Variants in RBPJ observed in about 807,000 individuals in gnomAD.
RBPJ encodes recombining binding protein suppressor of hairless.
A neutral mutation model predicts 67.8 loss-of-function variants in RBPJ; 9 were observed. The ratio of observed to expected loss-of-function variants is 0.13; its 90% CI spans 0.08 to 0.23. The LOEUF is 0.23. Ranked by LOEUF, RBPJ falls within the 10% of genes least tolerant of loss-of-function variation. The pLI, the probability that RBPJ is intolerant of heterozygous loss-of-function variation, is 1.00. For synonymous variants in RBPJ, 198 were observed against 203.3 expected (o/e 0.97, Z 0.22); for missense variants, 305 against 595.6 (o/e 0.51, Z 5.08).
Position 26,250,093 on chromosome 4 carries a change from CT to C in RBPJ, c.-167+86484del, listed in dbSNP as rs923178656. On this transcript the variant is annotated intron_variant, in intron 1 of 4. Coordinates refer to the RBPJ transcript ENST00000512351. Reference sequence around the variant, plus strand: ...GAGCCACCGCGCCTGGCCTTCCGAACTTTTTCATCATTCCAAATAGAAACTC... The same window carrying C: ...GAGCCACCGCGCCTGGCCTTCCGAACTTTTCATCATTCCAAATAGAAACTC... 2.6e-5 allele frequency among the ~76,000 whole-genome samples: 4 copies of C among 151,510 alleles called. No individual in the cohort carries two copies. In the East Asian group the frequency reaches 5.9e-4, roughly 22 times the overall value.
chr4:26,134,438 G>A, the RBPJ span, among the ~76,000 whole-genome samples: 11 of 152,204 alleles, frequency 7.2e-5, no homozygotes, highest in Non-Finnish European at 1.3e-4. Flanking sequence ...CCGTGCAAGT[G>A]CTCCAGTCTC....
At chr4:26,259,010 G>C (rs1437991393) in intron 1 of RBPJ, among the ~76,000 whole-genome samples, 1 of 151,960 alleles carries the variant, frequency 6.6e-6, no homozygotes, top group African/African-American at 2.4e-5. Context: ...CACCATGTTG[G>C]CCAGGATAGT....
chr4:26,318,141 A>G (rs1449469325), upstream of RBPJ, among the ~76,000 whole-genome samples: 1 of 152,074 alleles, frequency 6.6e-6, no homozygotes, highest in Non-Finnish European at 1.5e-5. Flanking sequence ...ACACACACAC[A>G]CACACACACC....
chr4:26,210,575 T>C lies in RBPJ; in HGVS notation c.-167+46961T>C, dbSNP rs1024144847. Among the ~76,000 whole-genome samples, 5 of 152,192 alleles carry C rather than the reference T, an allele frequency of 3.3e-5. No homozygotes were observed. The East Asian group carries it at 9.6e-4, about 29-fold the overall frequency. ...AAAACATTTTTATTTCAAATATCAA[T>C]GAGGCTTTTAATTAAATTTGTCATG... On this transcript the variant is annotated intron_variant, in intron 1 of 4. Transcript: ENST00000512351.
At chr4:26,422,245 A>T (rs1735217657) in intron 5 of RBPJ, among the ~76,000 whole-genome samples, 1 of 151,518 alleles carries the variant, frequency 6.6e-6, no homozygotes. Context: ...GATTGATTAT[A>T]GTAGTTCAGC....
At chr4:26,164,433 C>T (rs1397453742) in intron 1 of RBPJ, among the ~76,000 whole-genome samples, 1 of 152,192 alleles carries the variant, frequency 6.6e-6, no homozygotes, top group Non-Finnish European at 1.5e-5. Context: ...AGCTCTGGCT[C>T]TCAGAGCAGG....
intron 1 of RBPJ, among the ~76,000 whole-genome samples, chr4:26,221,252 G>A (rs1281370100): frequency 1.3e-5 from 2 of 152,100 alleles, no homozygotes; most frequent in Admixed American, 6.6e-5. Context: ...CACCACGCCC[G>A]GCTAATTTTT....
chr4:26,263,006 G>A (rs958612206), intron 1 of RBPJ, among the ~76,000 whole-genome samples: 2 of 151,940 alleles, frequency 1.3e-5, no homozygotes, highest in East Asian at 1.9e-4. Context: ...TATTTCTATC[G>A]ATCCCAGTTA....
intron 1 of RBPJ, among the ~76,000 whole-genome samples, chr4:26,327,584 C>T (rs1318375375): frequency 7.4e-6 from 1 of 135,510 alleles, no homozygotes; most frequent in East Asian, 2.1e-4. Flanking sequence ...GTAGTCTTAG[C>T]CTAAGAGCTA....
At position 26,428,708 on chromosome 4, in the gene RBPJ, TG is replaced by T. The variant is rs1735925875; in HGVS notation, c.748-11del. Reference sequence around the variant, plus strand: ...TGTGGATGACCTTTTATTTCTTAATTGTTAAATATAGATAATTAGGAAAGTT... The same window carrying T: ...TGTGGATGACCTTTTATTTCTTAATTTTAAATATAGATAATTAGGAAAGTT... On this transcript the variant is annotated splice_polypyrimidine_tract_variant and intron_variant, in intron 7 of 10. Transcript: ENST00000355476. 6.3e-7 allele frequency: 1 copy of T among 1,599,388 alleles called. No individual in the cohort carries two copies. Among genetic ancestry groups the T allele is most frequent in the South Asian group, 1.1e-5 (1 of 89,068 alleles).
intron 1 of RBPJ, among the ~76,000 whole-genome samples, chr4:26,244,374 TACAC>T (rs1388969868): frequency 2.1e-4 from 18 of 84,766 alleles, no homozygotes; most frequent in Non-Finnish European, 4.2e-4. Context: ...CACATATGTG[TACAC>T]GTGTGTGTAT....
At chr4:26,270,438 AAGAAAGAAAGAAAG>A (rs1560238023) in intron 1 of RBPJ, among the ~76,000 whole-genome samples, 11 of 20,306 alleles carry the variant, frequency 5.4e-4, no homozygotes, top group East Asian at 3.5e-3. Context: ...AGAAAGAAAG[AAGAAAGAAAGAAAG>A]AAAGAAAAGA....
At chr4:26,357,185 A>G (rs1464774623) in intron 1 of RBPJ, among the ~76,000 whole-genome samples, 1 of 152,256 alleles carries the variant, frequency 6.6e-6, no homozygotes, top group Non-Finnish European at 1.5e-5. Flanking sequence ...CTAGAGCTTT[A>G]TTTCAAGAAA....
intron 1 of RBPJ, among the ~76,000 whole-genome samples, chr4:26,308,769 T>A (rs1296392479): frequency 6.6e-6 from 1 of 152,188 alleles, no homozygotes; most frequent in South Asian, 2.1e-4. Flanking sequence ...ATGCTTATCA[T>A]TACACTATCT....
chr4:26,346,219 A>T (rs1315013114), intron 1 of RBPJ, among the ~76,000 whole-genome samples: 2 of 152,222 alleles, frequency 1.3e-5, no homozygotes, highest in Non-Finnish European at 2.9e-5. Flanking sequence ...CAAAAGAAAG[A>T]GAAAGAGAAA....
At chr4:26,338,389 C>T (rs1275345328) in intron 1 of RBPJ, among the ~76,000 whole-genome samples, 2 of 151,878 alleles carry the variant, frequency 1.3e-5, no homozygotes, top group African/African-American at 2.4e-5. Flanking sequence ...CTCTTGACCT[C>T]GTGATCTGTC....
intron 1 of RBPJ, among the ~76,000 whole-genome samples, chr4:26,289,950 T>C (rs1356554931): frequency 2.7e-5 from 4 of 150,738 alleles, no homozygotes; most frequent in African/African-American, 9.8e-5. Context: ...CTACCTGTAA[T>C]ATAAATATTC....
chr4:26,110,463 T>C, the RBPJ span, among the ~76,000 whole-genome samples: 9 of 152,194 alleles, frequency 5.9e-5, no homozygotes, highest in African/African-American at 2.2e-4. This position sits in a 1 kb window ranked among gnomAD's most constrained non-coding sequence, Gnocchi z 4.5. Flanking sequence ...ATTCCTGTCC[T>C]TCAGCTGGCC....
At chr4:26,218,936 G>T (rs563807242) in intron 1 of RBPJ, among the ~76,000 whole-genome samples, 1 of 152,278 alleles carries the variant, frequency 6.6e-6, no homozygotes, top group South Asian at 2.1e-4. Flanking sequence ...GCTCCTGCAA[G>T]AGACACAGAC....
Sources: allele counts gnomAD v4.1 joint callset (sites outside exome capture counted in the v4.1 genomes callset), GRCh38; gene constraint gnomAD v4.1.1; non-coding constraint Gnocchi (gnomAD v3.1); transcripts MANE v1.5; gene names NCBI Gene and HGNC (gene_info 2026-07-23, HGNC 2026-07-21).